COL8A1: variants seen among roughly 807,000 people sequenced by gnomAD.
COL8A1 encodes the protein collagen type VIII alpha 1 chain, also known as collagen alpha-1(VIII) chain.
In COL8A1, 21 loss-of-function variants were observed where a neutral mutation model predicts 42.7. That is an observed-to-expected ratio of 0.49 (90% confidence interval 0.35 to 0.71). COL8A1 has a LOEUF of 0.71. COL8A1 is among the 30% of genes least tolerant of loss of function. The probability of loss-of-function intolerance (pLI) is 0.01; values close to 1 mark genes in which losing one functional copy is unlikely to be tolerated. For missense variants in COL8A1, 788 were observed against 962.4 expected (o/e 0.82, Z 2.40); for synonymous variants, 367 against 369.1 (o/e 0.99, Z 0.06).
At chr3:99,763,954 C>T (rs1489836647) in intron 2 of COL8A1, among the ~76,000 whole-genome samples, 1 of 152,214 alleles carries the variant, frequency 6.6e-6, no homozygotes, top group African/African-American at 2.4e-5. Context: ...TCACCATCTA[C>T]TCCGCCAGGC....
At chr3:99,680,588 T>C (rs1383706248) in intron 1 of COL8A1, 3 of 152,174 alleles carry the variant, frequency 2.0e-5, no homozygotes, top group Admixed American at 6.6e-5. Context: ...TCCACAATGG[T>C]TGAGCTAGTT....
At chr3:99,775,409 G>T (rs1233991612) in intron 2 of COL8A1, among the ~76,000 whole-genome samples, 2 of 152,164 alleles carry the variant, frequency 1.3e-5, no homozygotes, top group Non-Finnish European at 2.9e-5. Flanking sequence ...AAGAGGGCTG[G>T]GGTCCAAGCC....
chr3:99,782,414 TGGA>T (rs1430625087), intron 2 of COL8A1, among the ~76,000 whole-genome samples: 2 of 152,146 alleles, frequency 1.3e-5, no homozygotes, highest in African/African-American at 2.4e-5. Flanking sequence ...ATGTTTGAGA[TGGA>T]GTCTCGCTCT....
intron 1 of COL8A1, among the ~76,000 whole-genome samples, chr3:99,684,721 A>G (rs1938995967): frequency 6.6e-6 from 1 of 152,196 alleles, no homozygotes; most frequent in Admixed American, 6.6e-5. Context: ...GGCTCCTTGT[A>G]GAGTAATTTT....
intron 1 of COL8A1, among the ~76,000 whole-genome samples, chr3:99,708,132 A>G (rs1939734558): frequency 6.6e-6 from 1 of 152,080 alleles, no homozygotes; most frequent in African/African-American, 2.4e-5. Context: ...TTGGTTTAGC[A>G]TGATTTCCCC....
At chr3:99,697,311 T>C (rs989980238) in intron 1 of COL8A1, among the ~76,000 whole-genome samples, 21 of 152,190 alleles carry the variant, frequency 1.4e-4, no homozygotes, top group African/African-American at 4.6e-4. Flanking sequence ...CACAAAGAAC[T>C]TGAGTGTATA....
chr3:99,663,054 T>C (rs1036024654), intron 1 of COL8A1, among the ~76,000 whole-genome samples: 1 of 152,308 alleles, frequency 6.6e-6, no homozygotes, highest in Middle Eastern at 3.4e-3. Flanking sequence ...TGATCACAAG[T>C]CCTGAGAATA....
intron 1 of COL8A1, among the ~76,000 whole-genome samples, chr3:99,742,210 A>G (rs1196682459): frequency 6.6e-6 from 1 of 152,190 alleles, no homozygotes. Context: ...TCATCCTTAG[A>G]TTTCCATCAG....
intron 1 of COL8A1, among the ~76,000 whole-genome samples, chr3:99,739,196 A>G (rs538706413): frequency 1.2e-4 from 18 of 152,318 alleles, no homozygotes; most frequent in Admixed American, 3.3e-4. Context: ...TGCATTGCTC[A>G]CGCTGGGAGC....
intron 2 of COL8A1, among the ~76,000 whole-genome samples, chr3:99,755,226 G>C (rs947110171): frequency 2.6e-5 from 4 of 152,172 alleles, no homozygotes; most frequent in Non-Finnish European, 5.9e-5. Context: ...ATATATCCTA[G>C]TTATTAGGCC....
chr3:99,645,355 T>C (rs1338306137), intron 1 of COL8A1, among the ~76,000 whole-genome samples: 1 of 151,998 alleles, frequency 6.6e-6, no homozygotes, highest in Non-Finnish European at 1.5e-5. Flanking sequence ...GAGCTAAGAA[T>C]TTGTGAGTTA....
chr3:99,785,592 T>G (rs763348533), intron 2 of COL8A1, among the ~76,000 whole-genome samples: 5 of 152,168 alleles, frequency 3.3e-5, no homozygotes, highest in Admixed American at 6.5e-5. Flanking sequence ...ATGTTGAACC[T>G]CAAGTACCTC....
chr3:99,652,004 A>G (rs1276988763), intron 1 of COL8A1, among the ~76,000 whole-genome samples: 2 of 152,266 alleles, frequency 1.3e-5, no homozygotes, highest in Non-Finnish European at 2.9e-5. Context: ...TACAAATTGT[A>G]TCATAAGAAA....
chr3:99,698,971 A>C (rs1212661744), intron 1 of COL8A1, among the ~76,000 whole-genome samples: 2 of 152,200 alleles, frequency 1.3e-5, no homozygotes, highest in African/African-American at 4.8e-5. Context: ...GATAAGTCAA[A>C]TTTGAAGAAG....
chr3:99,646,428 C>T (rs1476235959), intron 1 of COL8A1, among the ~76,000 whole-genome samples: 2 of 152,150 alleles, frequency 1.3e-5, no homozygotes, highest in Admixed American at 1.3e-4. Context: ...AGGGGCGTGT[C>T]ACTGATCGTC....
chr3:99,717,618 C>T (rs372966732), intron 1 of COL8A1, among the ~76,000 whole-genome samples: 3 of 151,938 alleles, frequency 2.0e-5, no homozygotes, highest in Admixed American at 6.6e-5. Flanking sequence ...GAGCCCTCAC[C>T]GAATTAAGTA....
chr3:99,745,943 T>C (rs1941015856), intron 2 of COL8A1, among the ~76,000 whole-genome samples: 1 of 152,210 alleles, frequency 6.6e-6, no homozygotes, highest in Non-Finnish European at 1.5e-5. Flanking sequence ...GTGTGACTTT[T>C]GGACACACGA....
chr3:99,709,111 G>A (rs1939763731), intron 1 of COL8A1, among the ~76,000 whole-genome samples: 1 of 138,326 alleles, frequency 7.2e-6, no homozygotes, highest in Non-Finnish European at 1.5e-5. Context: ...TAGACATCTT[G>A]TCCTCCAACC....
chr3:99,786,186 T>C (rs780004824), intron 2 of COL8A1, among the ~76,000 whole-genome samples: 1 of 152,174 alleles, frequency 6.6e-6, no homozygotes, highest in African/African-American at 2.4e-5. Context: ...TACCGTTCTT[T>C]CCAAAACATC....
Sources: allele counts gnomAD v4.1 joint callset (sites outside exome capture counted in the v4.1 genomes callset), GRCh38; gene constraint gnomAD v4.1.1; transcripts MANE v1.5; gene names NCBI Gene and HGNC (gene_info 2026-07-23, HGNC 2026-07-21).